Variants in SLCO3A1 observed in about 807,000 individuals in gnomAD.
SLCO3A1 encodes solute carrier organic anion transporter family member 3A1, also known as PGE1 transporter.
In SLCO3A1, 27 loss-of-function variants were observed where a neutral mutation model predicts 63.1. The observed-to-expected ratio is 0.43, with a 90% CI of 0.32 to 0.59. The LOEUF (loss-of-function observed/expected upper bound fraction) is 0.59, where lower values mean the gene tolerates loss of function less well. SLCO3A1 is among the 20% of genes least tolerant of loss of function. SLCO3A1 has a pLI of 0.09. For missense variants in SLCO3A1, 773 were observed against 945.8 expected (o/e 0.82, Z 2.40); for synonymous variants, 473 against 409.9 (o/e 1.15, Z -1.86).
At chr15:92,058,572 C>T (rs1258659056) in intron 2 of SLCO3A1, among the ~76,000 whole-genome samples, 2 of 152,130 alleles carry the variant, frequency 1.3e-5, no homozygotes, top group African/African-American at 4.8e-5. Flanking sequence ...GGCCCATCAC[C>T]CCATTCACGT....
intron 2 of SLCO3A1, among the ~76,000 whole-genome samples, chr15:92,047,734 G>A (rs886507480): frequency 2.1e-5 from 3 of 144,890 alleles, no homozygotes; most frequent in East Asian, 2.0e-4. Context: ...TATGTGATTC[G>A]AATCGTTCAT....
intron 2 of SLCO3A1, among the ~76,000 whole-genome samples, chr15:91,946,414 A>T (rs1174927004): frequency 1.2e-4 from 19 of 152,346 alleles, no homozygotes; most frequent in Non-Finnish European, 2.9e-5. Flanking sequence ...AGAACCAGTG[A>T]GGAGCACTCC....
chr15:91,924,896 G>GTAATTAC (rs1898961360), intron 2 of SLCO3A1, among the ~76,000 whole-genome samples: 1 of 152,248 alleles, frequency 6.6e-6, no homozygotes, highest in Non-Finnish European at 1.5e-5. Flanking sequence ...TTTACTGTGT[G>GTAATTAC]TGCAAGAGCA....
intron 3 of SLCO3A1, among the ~76,000 whole-genome samples, chr15:92,095,721 A>G (rs2047530471): frequency 6.6e-6 from 1 of 151,712 alleles, no homozygotes. Context: ...GTAGGTCAGC[A>G]GTGTCAGGGT....
rs992918358 is a variant in SLCO3A1, at chr15:91,864,231, G to A, written c.180+10143G>A. ...TTTAGGTCTTCTTAAGTATAACATC[G>A]TAGAATCTCTGCATTCATTGCTTTC... On this transcript the variant is annotated intron_variant, in intron 1 of 9. Transcript: ENST00000318445. Among the ~76,000 whole-genome samples, 8 of 152,280 alleles carry A rather than the reference G, an allele frequency of 5.3e-5. No homozygotes were observed. The South Asian group carries it at 6.2e-4, about 12-fold the overall frequency.
chr15:92,143,407 T>TAA (rs1555436572), intron 7 of SLCO3A1, among the ~76,000 whole-genome samples: 14 of 530 alleles, frequency 0.026, 1 homozygote, highest in East Asian at 0.33. Flanking sequence ...ATAATATATA[T>TAA]AATATATATA....
At chr15:91,994,817 A>G (rs1455750326) in intron 2 of SLCO3A1, among the ~76,000 whole-genome samples, 1 of 152,200 alleles carries the variant, frequency 6.6e-6, no homozygotes, top group African/African-American at 2.4e-5. Context: ...CAGCCTGCTC[A>G]TCACCACTGA....
intron 3 of SLCO3A1, among the ~76,000 whole-genome samples, chr15:92,099,923 G>A (rs1567119359): frequency 2.0e-5 from 3 of 152,038 alleles, no homozygotes; most frequent in South Asian, 4.2e-4. Context: ...AAAATTAGCC[G>A]GGCGTGTTGG....
chr15:92,101,654 G>A (rs562748034), intron 3 of SLCO3A1, among the ~76,000 whole-genome samples: 1 of 152,314 alleles, frequency 6.6e-6, no homozygotes, highest in East Asian at 1.9e-4. Flanking sequence ...CAGCTGAGCA[G>A]TTTCTCTCAG....
At chr15:92,011,634 C>T (rs986220556) in intron 2 of SLCO3A1, among the ~76,000 whole-genome samples, 6 of 152,220 alleles carry the variant, frequency 3.9e-5, no homozygotes, top group Non-Finnish European at 5.9e-5. Context: ...ACCCCCTTGG[C>T]GCCATCAGTG....
At chr15:91,926,558 C>CGTGTGTGTGTGTGTGTGTGTGTGT (rs565234731) in intron 2 of SLCO3A1, among the ~76,000 whole-genome samples, 34 of 126,072 alleles carry the variant, frequency 2.7e-4, no homozygotes, top group African/African-American at 1.1e-3. Context: ...CCTGCCAAGC[C>CGTGTGTGTGTGTGTGTGTGTGTGT]GTGTGTGTGT....
At chr15:91,978,213 C>G (rs896401824) in intron 2 of SLCO3A1, among the ~76,000 whole-genome samples, 10 of 152,304 alleles carry the variant, frequency 6.6e-5, no homozygotes, top group Non-Finnish European at 1.2e-4. Flanking sequence ...TCTTTTCCCC[C>G]CTGTAAATGA....
rs193302458 is a variant in SLCO3A1 at position 92,106,786 on chromosome 15, G to A, written c.1009+2244G>A. On this transcript the variant is annotated intron_variant, in intron 4 of 9. Coordinates refer to ENST00000318445, the MANE Select transcript of SLCO3A1 (RefSeq NM_013272.4). ...AAGCAGCACAGGTGGTTACAGAAAT[G>A]CAGCAAAGAGGCAGAGAGAAGCCCA... Among the ~76,000 whole-genome samples, 8 of 152,322 alleles carry A rather than the reference G, an allele frequency of 5.3e-5. No homozygotes were observed. In the East Asian group the frequency reaches 1.5e-3, roughly 29 times the overall value.
At chr15:91,952,752 G>A (rs1900041281) in intron 2 of SLCO3A1, among the ~76,000 whole-genome samples, 1 of 152,180 alleles carries the variant, frequency 6.6e-6, no homozygotes, top group Non-Finnish European at 1.5e-5. Flanking sequence ...ACTGTGCTGA[G>A]AATTACAGTT....
chr15:92,067,153 T>C lies in SLCO3A1; in HGVS notation c.647-27728T>C, dbSNP rs141636039. On this transcript the variant is annotated intron_variant, in intron 2 of 9. Transcript: ENST00000318445. ...TTGCAGGCCATCATGCCCACTGCTG[T>C]GTTGCCACAAACACCCCCTGCTCCC... Among the ~76,000 whole-genome samples, 223 of 152,214 alleles carry C rather than the reference T, an allele frequency of 1.5e-3. 1 individual carries two copies. Among genetic ancestry groups the C allele is most frequent in the African/African-American group, 5.0e-3 (209 of 41,528 alleles).
intron 2 of SLCO3A1, among the ~76,000 whole-genome samples, chr15:92,044,388 T>C (rs1321008755): frequency 3.3e-5 from 5 of 152,154 alleles, no homozygotes; most frequent in Admixed American, 1.3e-4. Context: ...GTCTGCTAGA[T>C]CACTAGATAA....
chr15:91,964,350 T>C (rs146654977), intron 2 of SLCO3A1, among the ~76,000 whole-genome samples: 254 of 152,276 alleles, frequency 1.7e-3, no homozygotes, highest in African/African-American at 5.9e-3. Context: ...TGCTTTATAC[T>C]TTCTACCCTT....
rs181612827 is a variant in SLCO3A1, at chr15:92,086,971, A to G, written c.647-7910A>G. On this transcript the variant is annotated intron_variant, in intron 2 of 9. Transcript: ENST00000318445. ...TCACTCTAACCGGGGTGAAAAAGCA[A>G]AACTCCGTCTCAAAAAAAAAAAAAA... Among the ~76,000 whole-genome samples, 454 of 136,700 alleles carry G rather than the reference A, an allele frequency of 3.3e-3. 4 individuals carry two copies. Among genetic ancestry groups the G allele is most frequent in the Non-Finnish European group, 2.8e-3 (173 of 60,794 alleles). The allele number at this position is 136,700 out of a possible 152,430, so 89.7% of individuals were successfully genotyped here.
Position 91,854,173 on chromosome 15 carries a change from G to A in SLCO3A1, c.180+85G>A. On this transcript the variant is annotated intron_variant, in intron 1 of 9. Transcript: ENST00000318445. This position sits in a 1 kb window ranked among gnomAD's most constrained non-coding sequence, Gnocchi z 6.4. ...GCCTGGCCCGACGAGGGGGCCGCCC[G>A]GCGCTGGGGGCAGGCGGGCATGACC... 8.1e-7 allele frequency: 1 copy of A among 1,231,514 alleles called. No individual in the cohort carries two copies. The highest frequency in any genetic ancestry group is 1.0e-6 in the Non-Finnish European group (1 of 959,438). 76.3% of individuals were successfully genotyped at this position (1,231,514 alleles called of 1,614,324 possible).
Sources: allele counts gnomAD v4.1 joint callset (sites outside exome capture counted in the v4.1 genomes callset), GRCh38; gene constraint gnomAD v4.1.1; non-coding constraint Gnocchi (gnomAD v3.1); transcripts MANE v1.5; gene names NCBI Gene and HGNC (gene_info 2026-07-23, HGNC 2026-07-21).